The following SLC25A51 variants were observed in gnomAD, a reference collection of about 807,000 sequenced individuals.
SLC25A51 encodes solute carrier family 25 member 51, also known as mitochondrial nicotinamide adenine dinucleotide transporter SLC25A51.
A neutral mutation model predicts 19.1 loss-of-function variants in SLC25A51; 11 were observed. That is an observed-to-expected ratio of 0.58 (90% confidence interval 0.36 to 0.96). SLC25A51 has a LOEUF of 0.96. Ranked by LOEUF, SLC25A51 falls within the 40% of genes least tolerant of loss-of-function variation. The pLI is 0.01. For missense variants in SLC25A51, 201 were observed against 365.4 expected, an observed-to-expected ratio of 0.55 and a Z score of 3.67; for synonymous variants, 105 against 133.6, an observed-to-expected ratio of 0.79 and a Z score of 1.47.
intron 2 of SLC25A51, among the ~76,000 whole-genome samples, chr9:37,890,765 A>G (rs1407813779): frequency 6.6e-6 from 1 of 152,208 alleles, no homozygotes; most frequent in Non-Finnish European, 1.5e-5. Flanking sequence ...TTGAAAGCGC[A>G]GTCTCAAAGA....
downstream of SLC25A51, chr9:37,886,413 C>T: frequency 6.4e-7 from 1 of 1,564,200 alleles, no homozygotes; most frequent in East Asian, 2.2e-5. Flanking sequence ...GGCAGTGCTT[C>T]CTCTCCTGTC....
intron 2 of SLC25A51, among the ~76,000 whole-genome samples, chr9:37,882,201 G>T (rs981009709): frequency 5.9e-5 from 9 of 152,170 alleles, no homozygotes; most frequent in African/African-American, 1.9e-4. Context: ...CATGAGAAAA[G>T]AAATATTTTA....
rs964329475 is a variant in SLC25A51, at chr9:37,904,095, G to T, written c.-192C>A. The T allele has an allele frequency of 6.6e-6, 1 of 152,356 alleles. No individual in the cohort carries two copies. Among genetic ancestry groups the T allele is most frequent in the African/African-American group, 2.4e-5 (1 of 41,472 alleles). 9.4% of individuals were successfully genotyped at this position (152,356 alleles called of 1,614,324 possible). On this transcript the variant is annotated 5_prime_UTR_variant, in exon 1 of 3. Coordinates refer to ENST00000242275, the MANE Select transcript of SLC25A51 (RefSeq NM_033412.4). Reference sequence around the variant, plus strand: ...ATCAGCGCCGGCGTCCCGCAGGACGGCTAGCGAGCCGGGGCCCGCGCAGGC... The same window carrying T: ...ATCAGCGCCGGCGTCCCGCAGGACGTCTAGCGAGCCGGGGCCCGCGCAGGC...
rs1831512582 is a variant in SLC25A51, at chr9:37,888,540, G to A, written c.11C>T (p.Ser4Leu). 3 of 1,604,020 alleles carry A rather than the reference G, an allele frequency of 1.9e-6. No individual in the cohort carries two copies. Among genetic ancestry groups the A allele is most frequent in the Non-Finnish European group, 2.6e-6 (3 of 1,175,676 alleles). The change falls in exon 3 of 3, where the codon TCA (serine) becomes TTA (leucine). Residue 4 changes from serine (S) to leucine (L), a missense_variant. Physicochemically the swap from Ser to Leu is moderately radical, Grantham distance 145. Coordinates refer to ENST00000242275, the MANE Select transcript of SLC25A51 (RefSeq NM_033412.4). ...TGGTGGCCTCTTTTCATGAGCTTCTGAATCCATCATGCTGCTTAAGATCTT... is the reference window on the plus strand; with the variant it reads ...TGGTGGCCTCTTTTCATGAGCTTCTAAATCCATCATGCTGCTTAAGATCTT... MMD[S>L]EAHEKRPPIL...
At chr9:37,895,363 G>A (rs1486037697) in intron 2 of SLC25A51, among the ~76,000 whole-genome samples, 1 of 148,610 alleles carries the variant, frequency 6.7e-6, no homozygotes, top group Admixed American at 6.7e-5. Flanking sequence ...CACCACATTC[G>A]GCTTTTTTTT....
intron 1 of SLC25A51, among the ~76,000 whole-genome samples, chr9:37,901,792 T>C (rs1231575270): frequency 6.6e-6 from 1 of 152,224 alleles, no homozygotes; most frequent in African/African-American, 2.4e-5. Flanking sequence ...CTGAAGTCTG[T>C]TAGGGTATTG....
At chr9:37,894,241 A>C (rs1040382539) in intron 2 of SLC25A51, among the ~76,000 whole-genome samples, 9 of 152,080 alleles carry the variant, frequency 5.9e-5, no homozygotes, top group Admixed American at 2.6e-4. Context: ...GGTATACAAA[A>C]GATATACATT....
At chr9:37,900,828 C>G (rs1156247339) in intron 1 of SLC25A51, among the ~76,000 whole-genome samples, 1 of 152,194 alleles carries the variant, frequency 6.6e-6, no homozygotes, top group African/African-American at 2.4e-5. Context: ...AAAGCAGCAG[C>G]TTGTGAATTA....
chr9:37,884,696 C>G (rs1028624016), downstream of SLC25A51, among the ~76,000 whole-genome samples: 4 of 152,174 alleles, frequency 2.6e-5, no homozygotes, highest in African/African-American at 9.7e-5. Context: ...TAACCACAGG[C>G]CTTTGCTGAG....
downstream of SLC25A51, chr9:37,886,077 C>A (rs749738702): frequency 2.5e-5 from 39 of 1,581,546 alleles, no homozygotes; most frequent in Non-Finnish European, 3.3e-5. Context: ...AATTTTGGGA[C>A]GGTGGATGCT....
At chr9:37,890,379 T>TA (rs1831556642) in intron 2 of SLC25A51, among the ~76,000 whole-genome samples, 2 of 151,318 alleles carry the variant, frequency 1.3e-5, no homozygotes, top group South Asian at 2.1e-4. Context: ...GCAAGACTCT[T>TA]GTTTCTAAAA....
intron 2 of SLC25A51, among the ~76,000 whole-genome samples, chr9:37,889,610 A>AGAAT (rs1831535678): frequency 6.6e-6 from 1 of 151,802 alleles, no homozygotes; most frequent in East Asian, 1.9e-4. Context: ...TTCAGGGCAC[A>AGAAT]GCTAGTAACT....
At chr9:37,894,482 A>G (rs1343601246) in intron 2 of SLC25A51, among the ~76,000 whole-genome samples, 1 of 151,948 alleles carries the variant, frequency 6.6e-6, no homozygotes, top group African/African-American at 2.4e-5. Flanking sequence ...GCCCGCCACC[A>G]TGCCTGGCTA....
downstream of SLC25A51, chr9:37,878,119 C>A (rs1831287172): frequency 6.3e-6 from 1 of 158,732 alleles, no homozygotes; most frequent in South Asian, 2.1e-4. Flanking sequence ...ATAGTGAGAG[C>A]TGAGGTACTG....
At chr9:37,901,829 A>G (rs1831855036) in intron 1 of SLC25A51, among the ~76,000 whole-genome samples, 1 of 152,158 alleles carries the variant, frequency 6.6e-6, no homozygotes, top group African/African-American at 2.4e-5. Context: ...GTTCTACTAC[A>G]TCCTTACTTT....
chr9:37,903,558 C>G (rs1831901828), intron 1 of SLC25A51: 2 of 152,324 alleles, frequency 1.3e-5, no homozygotes, highest in Non-Finnish European at 2.9e-5. Flanking sequence ...TTTCCCCAAC[C>G]TGTGAAAGGC....
intron 2 of SLC25A51, among the ~76,000 whole-genome samples, chr9:37,896,344 G>T (rs1360547005): frequency 6.6e-6 from 1 of 151,840 alleles, no homozygotes; most frequent in Non-Finnish European, 1.5e-5. Flanking sequence ...TCAAAATATA[G>T]TTCATCATCT....
intron 2 of SLC25A51, among the ~76,000 whole-genome samples, chr9:37,891,304 C>T (rs1360181970): frequency 1.3e-5 from 2 of 152,196 alleles, no homozygotes; most frequent in East Asian, 3.9e-4. Flanking sequence ...CCGGCAGCCC[C>T]TTCTGGGAAG....
At position 37,887,637 on chromosome 9, in the gene SLC25A51, G is replaced by A. The variant is rs1187497716; in HGVS notation, c.*20C>T. On this transcript the variant is annotated 3_prime_UTR_variant, in exon 3 of 3. Transcript: ENST00000242275. The stretch of plus-strand genomic sequence containing the variant: ...AGAAGGTCTATTCAGTTGATAAATG[G>A]CACTTAACTGATGGTTTTTTCATAT... 1.3e-6 allele frequency: 2 copies of A among 1,596,690 alleles called. No individual in the cohort carries two copies. Among genetic ancestry groups the A allele is most frequent in the Non-Finnish European group, 8.5e-7 (1 of 1,172,666 alleles).
Sources: allele counts gnomAD v4.1 joint callset (sites outside exome capture counted in the v4.1 genomes callset), GRCh38; gene constraint gnomAD v4.1.1; transcripts MANE v1.5; gene names NCBI Gene and HGNC (gene_info 2026-07-23, HGNC 2026-07-21).